Variants in KIF3B observed in about 807,000 individuals in gnomAD.
KIF3B encodes kinesin family member 3B, also known as kinesin-like protein KIF3B.
KIF3B carries 38 observed loss-of-function variants against 74.3 expected under a neutral mutation model. The ratio of observed to expected loss-of-function variants is 0.51; its 90% CI spans 0.39 to 0.67. The LOEUF is 0.67. Ranked by LOEUF, KIF3B falls within the 30% of genes least tolerant of loss-of-function variation. KIF3B has a pLI of 0.00. For missense variants in KIF3B, 649 were observed against 932.0 expected (o/e 0.70, Z 3.95); for synonymous variants, 326 against 342.5 (o/e 0.95, Z 0.53).
At position 32,302,899 on chromosome 20, in the gene KIF3B, A is replaced by G. The variant is rs560240505; in HGVS notation, c.-65-6814A>G. Among the ~76,000 whole-genome samples the G allele has an allele frequency of 3.3e-5, 5 of 152,350 alleles. No homozygotes were observed. In the East Asian group the frequency reaches 9.6e-4, roughly 29 times the overall value. ...TCCCATCTGGCAAAATTCTAATAGCATGTAGAAGAAGTTTGTCCAACCCGC... is the reference window on the plus strand; with the variant it reads ...TCCCATCTGGCAAAATTCTAATAGCGTGTAGAAGAAGTTTGTCCAACCCGC... On this transcript the variant is annotated intron_variant, in intron 1 of 8. Transcript: ENST00000375712.
intron 5 of KIF3B, among the ~76,000 whole-genome samples, chr20:32,320,118 C>T (rs1485738031): frequency 1.3e-5 from 2 of 152,130 alleles, no homozygotes; most frequent in Non-Finnish European, 2.9e-5. Context: ...TGGTCTGGAA[C>T]TCCTGACCTC....
At chr20:32,280,714 C>CAAAAAA (rs34366324) in intron 1 of KIF3B, among the ~76,000 whole-genome samples, 37 of 51,338 alleles carry the variant, frequency 7.2e-4, no homozygotes, top group East Asian at 3.0e-3. Flanking sequence ...GACTCCGTCT[C>CAAAAAA]AAAAAAAAAA....
In KIF3B at chr20:32,310,451, G is replaced by A. The variant is rs763920518; in HGVS notation, c.674G>A (p.Cys225Tyr). Residue 225 changes from cysteine (C) to tyrosine (Y), a missense_variant, in exon 2 of 9, where the codon TGC (cysteine) becomes TAC (tyrosine). This residue lies in a region of KIF3B where 363 missense variants were observed against 592.8 expected (regional missense o/e 0.61). Coordinates refer to ENST00000375712, the MANE Select transcript of KIF3B (RefSeq NM_004798.4). The surrounding 1 kb of genome is among the most constrained non-coding windows in gnomAD (Gnocchi z 6.5). ...GCAATTTTCGTTATCACTATTGAGT[G>A]CAGCGAGGTGGGCCTCGATGGTGAA... ...SHAIFVITIECSEVGLDGENH... is the reference protein window; with the variant it reads ...SHAIFVITIEYSEVGLDGENH... 2 of 1,614,064 alleles carry A rather than the reference G, an allele frequency of 1.2e-6. No individual in the cohort carries two copies. The highest frequency in any genetic ancestry group is 1.7e-5 in the Admixed American group (1 of 60,028).
At chr20:32,311,313 A>G in intron 2 of KIF3B, 132 bp downstream of exon 2, 1 of 907,516 alleles carries the variant, frequency 1.1e-6, no homozygotes, top group Non-Finnish European at 1.6e-6. Context: ...AGCTCATGAT[A>G]TCCAGTACTC....
rs1350178533 is a variant in KIF3B, at chr20:32,332,102, C to T, written c.*783C>T. 6.5e-6 allele frequency: 1 copy of T among 152,736 alleles called. No homozygotes were observed. The highest frequency in any genetic ancestry group is 1.5e-5 in the Non-Finnish European group (1 of 68,094). 9.5% of individuals were successfully genotyped at this position (152,736 alleles called of 1,614,324 possible). A position where few individuals can be genotyped will look rare whatever the true frequency, so the allele number is the denominator to read the frequency against. ...TGTAAGCTGGTGCCATGTCCATACA[C>T]CATGTCACTTTACTCTTCATTTGTC... On this transcript the variant is annotated 3_prime_UTR_variant, in exon 9 of 9. Coordinates refer to ENST00000375712, the MANE Select transcript of KIF3B (RefSeq NM_004798.4).
chr20:32,282,710 A>G (rs1453542149), intron 1 of KIF3B, among the ~76,000 whole-genome samples: 1 of 152,158 alleles, frequency 6.6e-6, no homozygotes, highest in Non-Finnish European at 1.5e-5. Context: ...CCAGCTCTGG[A>G]AGAGGGAGCG....
Position 32,311,062 on chromosome 20 carries a change from G to A in KIF3B, c.1285G>A (p.Val429Ile), listed in dbSNP as rs1471191226. 1.2e-6 allele frequency: 2 copies of A among 1,613,682 alleles called. No homozygotes were observed. Among genetic ancestry groups the A allele is most frequent in the Non-Finnish European group, 1.7e-6 (2 of 1,179,934 alleles). Residue 429 changes from valine (V) to isoleucine (I), a missense_variant, in exon 2 of 9, where the codon GTA becomes ATA. Val to Ile is a conservative substitution (Grantham distance 29). This residue lies in a region of KIF3B where 363 missense variants were observed against 592.8 expected (regional missense o/e 0.61). Coordinates refer to ENST00000375712, the MANE Select transcript of KIF3B (RefSeq NM_004798.4). ...EKLEIEKRAI[V>I]EDHSLVAEEK... ...ACTGGAGATTGAGAAGCGGGCCATT[G>A]TAGAGGATCACAGCTTGGTTGCAGA...
intron 1 of KIF3B, among the ~76,000 whole-genome samples, chr20:32,291,693 GCAA>G (rs1765778177): frequency 6.7e-6 from 1 of 150,294 alleles, no homozygotes; most frequent in South Asian, 2.1e-4. Flanking sequence ...TAGGCCCACT[GCAA>G]TCTCTGCCTC....
intron 1 of KIF3B, among the ~76,000 whole-genome samples, chr20:32,308,552 A>G (rs573188006): frequency 6.6e-6 from 1 of 152,180 alleles, no homozygotes; most frequent in Non-Finnish European, 1.5e-5. Flanking sequence ...CTGGGATTAC[A>G]GGTGCCCACC....
rs185867033 is a variant in KIF3B at position 32,299,183 on chromosome 20, A to G, written c.-65-10530A>G. Among the ~76,000 whole-genome samples, 88 of 151,774 alleles carry G rather than the reference A, an allele frequency of 5.8e-4. 1 individual carries two copies. Among genetic ancestry groups the G allele is most frequent in the East Asian group, 4.8e-3 (25 of 5,162 alleles). On this transcript the variant is annotated intron_variant, in intron 1 of 8. Transcript: ENST00000375712. Reference sequence around the variant, plus strand: ...TAGTATTGTAGTCCATATTGTCTCTATTGCAACTACTCAACTCTATTCACC... The same window carrying G: ...TAGTATTGTAGTCCATATTGTCTCTGTTGCAACTACTCAACTCTATTCACC...
chr20:32,303,272 A>G (rs981939818), intron 1 of KIF3B, among the ~76,000 whole-genome samples: 1 of 152,180 alleles, frequency 6.6e-6, no homozygotes, highest in Non-Finnish European at 1.5e-5. Context: ...AACAATAGAA[A>G]TGTTATTTTA....
chr20:32,297,011 G>A (rs1023887095), intron 1 of KIF3B, among the ~76,000 whole-genome samples: 5 of 152,190 alleles, frequency 3.3e-5, no homozygotes, highest in Middle Eastern at 6.8e-3. Context: ...ATGGTGATGA[G>A]GTGGATACAG....
chr20:32,316,036 T>C (rs1349159018), intron 2 of KIF3B, among the ~76,000 whole-genome samples, 182 bp from the exon 3 acceptor site: 1 of 152,190 alleles, frequency 6.6e-6, no homozygotes, highest in East Asian at 1.9e-4. Flanking sequence ...AAGCCTCTAG[T>C]GAAGCTGCCC....
At chr20:32,296,955 A>T (rs906251618) in intron 1 of KIF3B, among the ~76,000 whole-genome samples, 2 of 152,074 alleles carry the variant, frequency 1.3e-5, no homozygotes, top group Non-Finnish European at 2.9e-5. Flanking sequence ...CGGAGTCCTG[A>T]TACTTCAAAA....
intron 7 of KIF3B, among the ~76,000 whole-genome samples, chr20:32,328,316 T>C (rs1218634336): frequency 7.6e-5 from 11 of 145,424 alleles, no homozygotes; most frequent in South Asian, 2.2e-4. Context: ...CCCAGCTACT[T>C]GGGAGGCTGA....
intron 5 of KIF3B, among the ~76,000 whole-genome samples, chr20:32,322,544 GT>G (rs1258988233): frequency 7.0e-6 from 1 of 143,846 alleles, no homozygotes; most frequent in Non-Finnish European, 1.5e-5. Context: ...GGAGGCGGAG[GT>G]TGCAGTGAGC....
intron 1 of KIF3B, among the ~76,000 whole-genome samples, chr20:32,279,488 G>T (rs1441163964): frequency 2.0e-4 from 29 of 147,332 alleles, no homozygotes; most frequent in Non-Finnish European, 7.5e-5. Context: ...TTTTTGAGAC[G>T]GAGTTTTGCT....
intron 1 of KIF3B, among the ~76,000 whole-genome samples, chr20:32,292,631 G>T (rs185790365): frequency 1.8e-4 from 26 of 147,856 alleles, no homozygotes; most frequent in Admixed American, 9.5e-4. Flanking sequence ...AGTGGCGCAC[G>T]CCTGTAGTCC....
At chr20:32,323,186 A>G (rs1435201223) in intron 5 of KIF3B, among the ~76,000 whole-genome samples, 1 of 120,244 alleles carries the variant, frequency 8.3e-6, no homozygotes, top group African/African-American at 3.1e-5. Context: ...ATATTTATAT[A>G]TATTTATATT....
Sources: allele counts gnomAD v4.1 joint callset (sites outside exome capture counted in the v4.1 genomes callset), GRCh38; gene constraint gnomAD v4.1.1; regional missense constraint gnomAD v4.1.1; non-coding constraint Gnocchi (gnomAD v3.1); transcripts MANE v1.5; gene names NCBI Gene and HGNC (gene_info 2026-07-23, HGNC 2026-07-21).